ROBO1: variants seen among roughly 807,000 people sequenced by gnomAD.
ROBO1 encodes roundabout guidance receptor 1, also known as roundabout homolog 1.
A neutral mutation model predicts 195.9 loss-of-function variants in ROBO1; 149 were observed. The observed-to-expected ratio is 0.76, with a 90% confidence interval of 0.67 to 0.87. ROBO1 has a LOEUF of 0.87. Among genes scored for constraint, ROBO1 ranks in the 40% least tolerant of loss-of-function variants. The probability of loss-of-function intolerance (pLI) is 0.00; values close to 1 mark genes in which losing one functional copy is unlikely to be tolerated. For synonymous variants in ROBO1, 816 were observed against 733.2 expected (o/e 1.11, Z -1.82); for missense variants, 1,933 against 2,068.3 (o/e 0.93, Z 1.27).
At chr3:78,657,047 G>C in intron 18 of ROBO1, 51 bp downstream of exon 18, 1 of 1,498,226 alleles carries the variant, frequency 6.7e-7, no homozygotes, top group Non-Finnish European at 8.9e-7. Flanking sequence ...AGCAAAGTGG[G>C]ACACATGGTA....
At chr3:79,160,528 G>C (rs574507996) in intron 2 of ROBO1, among the ~76,000 whole-genome samples, 37 of 152,056 alleles carry the variant, frequency 2.4e-4, no homozygotes, top group African/African-American at 8.7e-4. Context: ...CCGGAACATT[G>C]TTAGAGCAGC....
intron 10 of ROBO1, among the ~76,000 whole-genome samples, chr3:78,684,458 C>T (rs984938745): frequency 3.3e-5 from 5 of 152,050 alleles, no homozygotes; most frequent in Admixed American, 3.3e-4. Flanking sequence ...TCGGAGTGGT[C>T]ACGACATGAA....
intron 2 of ROBO1, among the ~76,000 whole-genome samples, chr3:79,437,823 T>C (rs938882372): frequency 6.6e-6 from 1 of 151,872 alleles, no homozygotes; most frequent in Non-Finnish European, 1.5e-5. Flanking sequence ...AAAACACACA[T>C]GAAGGTGCAT....
chr3:79,198,795 C>A (rs111480104), intron 2 of ROBO1, among the ~76,000 whole-genome samples: 3 of 151,708 alleles, frequency 2.0e-5, no homozygotes, highest in Non-Finnish European at 4.4e-5. Context: ...GTTCTCTTTG[C>A]AGCAATTGTG....
At chr3:78,968,528 T>G (rs2076696470) in intron 3 of ROBO1, among the ~76,000 whole-genome samples, 1 of 151,970 alleles carries the variant, frequency 6.6e-6, no homozygotes, top group African/African-American at 2.4e-5. Flanking sequence ...GCTGCCTACC[T>G]GGGCTTCTCA....
chr3:79,604,338 C>T (rs1289303023), intron 1 of ROBO1, among the ~76,000 whole-genome samples: 2 of 151,944 alleles, frequency 1.3e-5, no homozygotes, highest in Non-Finnish European at 2.9e-5. Flanking sequence ...TTATGTGCTT[C>T]CACATCTGCA....
intron 8 of ROBO1, among the ~76,000 whole-genome samples, chr3:78,702,262 T>C (rs1390519963): frequency 6.6e-6 from 1 of 152,118 alleles, no homozygotes; most frequent in Non-Finnish European, 1.5e-5. Flanking sequence ...TTTAAAACCA[T>C]AGCAAGCAAA....
chr3:79,675,616 A>G (rs1049727976), intron 1 of ROBO1, among the ~76,000 whole-genome samples: 2 of 152,198 alleles, frequency 1.3e-5, no homozygotes, highest in African/African-American at 2.4e-5. Flanking sequence ...ATCAGTACTA[A>G]TAATTTAGTG....
At chr3:79,681,148 T>C (rs1393272873) in intron 1 of ROBO1, among the ~76,000 whole-genome samples, 2 of 152,012 alleles carry the variant, frequency 1.3e-5, no homozygotes, top group Non-Finnish European at 2.9e-5. Flanking sequence ...TAACATTATG[T>C]AGGAGCTGAT....
intron 2 of ROBO1, among the ~76,000 whole-genome samples, chr3:79,334,876 CAGGCAGATCACCTGAGGCCAGG>C (rs1475955489): frequency 6.6e-6 from 1 of 151,754 alleles, no homozygotes; most frequent in Non-Finnish European, 1.5e-5. Context: ...GAAGCTGAGG[CAGGCAGATCACCTGAGGCCAGG>C]AGTTTGAGAC....
chr3:79,482,084 A>G (rs1938893549), intron 2 of ROBO1, among the ~76,000 whole-genome samples: 1 of 152,176 alleles, frequency 6.6e-6, no homozygotes, highest in Admixed American at 6.6e-5. Context: ...TCAAATATGT[A>G]TTATATTTAC....
intron 2 of ROBO1, among the ~76,000 whole-genome samples, chr3:79,405,357 A>G (rs2037507851): frequency 6.6e-6 from 1 of 152,190 alleles, no homozygotes; most frequent in Admixed American, 6.5e-5. Flanking sequence ...GAGGTCAGTG[A>G]CAATTGTATG....
chr3:78,697,784 T>C (rs1051877101), intron 8 of ROBO1, among the ~76,000 whole-genome samples: 3 of 152,158 alleles, frequency 2.0e-5, no homozygotes, highest in Non-Finnish European at 2.9e-5. Flanking sequence ...AAAAATATAA[T>C]GACAGAAGAT....
At chr3:79,673,132 T>C (rs1269767163) in intron 1 of ROBO1, among the ~76,000 whole-genome samples, 1 of 152,020 alleles carries the variant, frequency 6.6e-6, no homozygotes, top group Admixed American at 6.6e-5. Context: ...AAATAAAGGA[T>C]AGAATTATTC....
intron 4 of ROBO1, among the ~76,000 whole-genome samples, chr3:78,748,625 C>CA (rs1199553321): frequency 2.0e-5 from 3 of 151,942 alleles, no homozygotes; most frequent in African/African-American, 4.8e-5. Flanking sequence ...GCTGTTCTTT[C>CA]AAAAATCACT....
intron 2 of ROBO1, among the ~76,000 whole-genome samples, chr3:79,402,474 G>T (rs2106792266): frequency 6.6e-6 from 1 of 151,988 alleles, no homozygotes; most frequent in African/African-American, 2.4e-5. Flanking sequence ...AAATAAAGAG[G>T]CATTTTGAGG....
intron 3 of ROBO1, chr3:79,019,256 A>T: frequency 2.0e-6 from 2 of 985,776 alleles, no homozygotes; most frequent in Non-Finnish European, 2.4e-6. Context: ...GCAGAAGCCC[A>T]AACTTCCTGG....
chr3:78,996,849 G>A (rs1489285699), intron 3 of ROBO1, among the ~76,000 whole-genome samples: 1 of 152,086 alleles, frequency 6.6e-6, no homozygotes, highest in East Asian at 1.9e-4. Flanking sequence ...AAGAATACAT[G>A]TTTATATGTG....
intron 3 of ROBO1, among the ~76,000 whole-genome samples, chr3:78,987,287 A>G (rs977987626): frequency 6.6e-6 from 1 of 152,148 alleles, no homozygotes; most frequent in African/African-American, 2.4e-5. Context: ...ATACTACAAA[A>G]TTAAGAAACT....
Sources: allele counts gnomAD v4.1 joint callset (sites outside exome capture counted in the v4.1 genomes callset), GRCh38; gene constraint gnomAD v4.1.1; transcripts MANE v1.5; gene names NCBI Gene and HGNC (gene_info 2026-07-23, HGNC 2026-07-21).